LNX2: variants seen among roughly 807,000 people sequenced by gnomAD.
LNX2 encodes the protein ligand of numb-protein X 2.
A neutral mutation model predicts 66.2 loss-of-function variants in LNX2; 35 were observed. The observed-to-expected ratio is 0.53, with a 90% CI of 0.40 to 0.70. The LOEUF is 0.70. LNX2 is among the 30% of genes least tolerant of loss of function. The probability of loss-of-function intolerance (pLI) is 0.00; values close to 1 mark genes in which losing one functional copy is unlikely to be tolerated. For synonymous variants in LNX2, 337 were observed against 315.6 expected (o/e 1.07, Z -0.72); for missense variants, 791 against 850.8 (o/e 0.93, Z 0.87).
At chr13:27,595,705 C>A (rs1266330613) in intron 1 of LNX2, among the ~76,000 whole-genome samples, 1 of 152,186 alleles carries the variant, frequency 6.6e-6, no homozygotes, top group Non-Finnish European at 1.5e-5. Flanking sequence ...TGTGTCCTAG[C>A]CAGCTGTCAC....
rs773230569 is a variant in LNX2, at chr13:27,567,835, T to G, written c.660A>C (p.Thr220=). Residue 220 remains threonine (T), a synonymous_variant, in exon 4 of 10, where the codon ACA becomes ACC. Coordinates refer to ENST00000316334, the MANE Select transcript of LNX2 (RefSeq NM_153371.4). ...AFEESAGADT[T]QQPLSLPEGE... is the part of the protein sequence containing the mutation. ...CTTCTGGTAAACTAAGTGGCTGTTG[T>G]GTGGCTGCCAAGTTAAAAATGAGAC... The G allele has an allele frequency of 6.2e-7, 1 of 1,613,880 alleles. No homozygotes were observed. Among genetic ancestry groups the G allele is most frequent in the Admixed American group, 1.7e-5 (1 of 59,992 alleles).
chr13:27,588,767 C>T (rs1463827747), intron 1 of LNX2, among the ~76,000 whole-genome samples: 1 of 151,924 alleles, frequency 6.6e-6, no homozygotes, highest in East Asian at 1.9e-4. Context: ...TGTCTGTATT[C>T]ATTATGTTAG....
At chr13:27,617,175 A>T (rs572946923) in intron 1 of LNX2, among the ~76,000 whole-genome samples, 1 of 152,234 alleles carries the variant, frequency 6.6e-6, no homozygotes, top group East Asian at 1.9e-4. Flanking sequence ...TGAGGAAAAG[A>T]AACAGGTGCC....
chr13:27,610,964 G>T (rs1373200346), intron 1 of LNX2, among the ~76,000 whole-genome samples: 1 of 151,736 alleles, frequency 6.6e-6, no homozygotes, highest in Admixed American at 6.6e-5. Flanking sequence ...AAGTGTTGGT[G>T]AGAACATAGA....
chr13:27,578,402 G>A (rs923315911), intron 2 of LNX2, among the ~76,000 whole-genome samples: 2 of 152,088 alleles, frequency 1.3e-5, no homozygotes, highest in African/African-American at 2.4e-5. Flanking sequence ...CCGAGAAGCC[G>A]CAAACAGTCG....
chr13:27,576,546 G>A (rs948963627), intron 2 of LNX2, among the ~76,000 whole-genome samples: 26 of 145,330 alleles, frequency 1.8e-4, no homozygotes, highest in Middle Eastern at 3.2e-3. Context: ...GCAAGACCCC[G>A]TCTCTACTAA....
At chr13:27,618,163 TC>T (rs1390342474) in intron 1 of LNX2, among the ~76,000 whole-genome samples, 3 of 152,212 alleles carry the variant, frequency 2.0e-5, no homozygotes, top group African/African-American at 7.2e-5. Context: ...CCAGGATTCA[TC>T]CTTCCCTCCT....
intron 6 of LNX2, among the ~76,000 whole-genome samples, chr13:27,558,140 T>C (rs975061592): frequency 3.3e-5 from 5 of 152,114 alleles, no homozygotes; most frequent in Non-Finnish European, 5.9e-5. Flanking sequence ...ATATATACTT[T>C]AATTTTTTCA....
At chr13:27,549,218 C>T (rs1393609861) in intron 9 of LNX2, among the ~76,000 whole-genome samples, 1 of 152,130 alleles carries the variant, frequency 6.6e-6, no homozygotes, top group Non-Finnish European at 1.5e-5. Context: ...CTCCCAATCA[C>T]CTTTCCATAC....
chr13:27,604,744 A>T (rs757216272), intron 1 of LNX2, among the ~76,000 whole-genome samples: 94 of 152,122 alleles, frequency 6.2e-4, no homozygotes, highest in Middle Eastern at 3.4e-3. Context: ...TATGGCTCAA[A>T]GGGTTGAAAC....
intron 2 of LNX2, among the ~76,000 whole-genome samples, chr13:27,574,095 TATCA>T (rs1955317131): frequency 6.6e-6 from 1 of 151,810 alleles, no homozygotes; most frequent in African/African-American, 2.4e-5. Context: ...AAAAAGAAAA[TATCA>T]ATAAAGAAAC....
At chr13:27,590,804 T>C (rs1955539266) in intron 1 of LNX2, among the ~76,000 whole-genome samples, 1 of 152,094 alleles carries the variant, frequency 6.6e-6, no homozygotes, top group Non-Finnish European at 1.5e-5. Context: ...CATGGTGATA[T>C]TACTAATAAA....
intron 3 of LNX2, 145 bp downstream of exon 3, chr13:27,568,884 A>C (rs1007320588): frequency 1.3e-5 from 11 of 857,820 alleles, no homozygotes; most frequent in Middle Eastern, 3.6e-4. Context: ...GATGTATATA[A>C]ATTATATCTC....
Position 27,581,063 on chromosome 13 carries a change from G to A in LNX2, c.407+234C>T, listed in dbSNP as rs536752880. On this transcript the variant is annotated intron_variant, in intron 2 of 9. Transcript: ENST00000316334. ...ATATCAGTTTCATATTACAGCAGCA[G>A]AAATATTAACAGGTATAAAACAGTA... 9.8e-5 allele frequency among the ~76,000 whole-genome samples: 15 copies of A among 152,296 alleles called. No homozygotes were observed. The South Asian group carries it at 3.1e-3, about 32-fold the overall frequency.
At chr13:27,587,211 C>T (rs931103916) in intron 1 of LNX2, among the ~76,000 whole-genome samples, 1 of 152,050 alleles carries the variant, frequency 6.6e-6, no homozygotes, top group Non-Finnish European at 1.5e-5. Context: ...AATACCCTAC[C>T]TCTCAAGTCC....
At chr13:27,554,006 T>TG (rs1231384301) in intron 7 of LNX2, among the ~76,000 whole-genome samples, 1 of 152,192 alleles carries the variant, frequency 6.6e-6, no homozygotes, top group East Asian at 1.9e-4. Flanking sequence ...AAAGAACTGT[T>TG]GCTCTGCTAA....
At chr13:27,617,847 A>G (rs1357744712) in intron 1 of LNX2, among the ~76,000 whole-genome samples, 1 of 152,114 alleles carries the variant, frequency 6.6e-6, no homozygotes, top group Non-Finnish European at 1.5e-5. Context: ...TCTACCATCA[A>G]TTGTTTTTAA....
rs11281345 is a variant in LNX2, at chr13:27,583,261, C to CGCGCGCGCGCGTGCGT, written c.-100-1459_-100-1458insACGCACGCGCGCGCGC. On this transcript the variant is annotated intron_variant, in intron 1 of 9. Coordinates refer to ENST00000316334, the MANE Select transcript of LNX2 (RefSeq NM_153371.4). ...GTGTGTGTGTGTGTGTGTGTGCGCGCGTCCTCTCCAACATACTTATTTTTA... is the reference window on the plus strand; with the variant it reads ...GTGTGTGTGTGTGTGTGTGTGCGCGCGCGCGCGCGCGTGCGTGTCCTCTCCAACATACTTATTTTTA... 8.8e-5 allele frequency among the ~76,000 whole-genome samples: 4 copies of CGCGCGCGCGCGTGCGT among 45,480 alleles called. 1 individual carries two copies. Among genetic ancestry groups the CGCGCGCGCGCGTGCGT allele is most frequent in the Non-Finnish European group, 1.8e-4 (4 of 22,058 alleles). The allele number at this position is 45,480 out of a possible 152,430, so 29.8% of individuals were successfully genotyped here.
chr13:27,620,418 C>T lies in LNX2; in HGVS notation c.-144G>A, dbSNP rs1030207592. ...CGGGCCGCGCACGGGCTCCTGGCGC[C>T]GCTGCTCGGCACCAGCTCCCGCTCT... On this transcript the variant is annotated 5_prime_UTR_variant, in exon 1 of 10. Transcript: ENST00000316334. The T allele has an allele frequency of 1.5e-3, 224 of 152,016 alleles. No homozygotes were observed. The highest frequency in any genetic ancestry group is 2.1e-3 in the Non-Finnish European group (143 of 68,292). The allele number at this position is 152,016 out of a possible 1,614,324, so 9.4% of individuals were successfully genotyped here. A position where few individuals can be genotyped will look rare whatever the true frequency, so the allele number is the denominator to read the frequency against.
Sources: gnomAD v4.1 joint callset for allele counts (sites outside exome capture counted in the v4.1 genomes callset) on GRCh38, gnomAD v4.1.1 for gene constraint, MANE v1.5 for transcripts, NCBI Gene and HGNC (gene_info 2026-07-23, HGNC 2026-07-21) for gene names.